DNM3: variants seen among roughly 807,000 people sequenced by gnomAD.
DNM3 encodes dynamin-3.
DNM3 carries 47 observed loss-of-function variants against 101.6 expected under a neutral mutation model. The ratio of observed to expected loss-of-function variants is 0.46; its 90% confidence interval spans 0.37 to 0.59. The LOEUF (loss-of-function observed/expected upper bound fraction) is 0.59, where lower values mean the gene tolerates loss of function less well. Ranked by LOEUF, DNM3 falls within the 20% of genes least tolerant of loss-of-function variation. DNM3 has a pLI of 0.00. For synonymous variants in DNM3, 385 were observed against 387.9 expected, an observed-to-expected ratio of 0.99 and a Z score of 0.09; for missense variants, 849 against 1,085.7, an observed-to-expected ratio of 0.78 and a Z score of 3.06.
intron 2 of DNM3, among the ~76,000 whole-genome samples, chr1:171,962,212 T>C (rs1227786129): frequency 6.6e-6 from 1 of 152,238 alleles, no homozygotes; most frequent in Non-Finnish European, 1.5e-5. Flanking sequence ...CAATCAACTC[T>C]TAGAGGCTCC....
chr1:172,100,670 C>CCCTGAATT (rs2054574074), intron 13 of DNM3, among the ~76,000 whole-genome samples: 1 of 152,136 alleles, frequency 6.6e-6, no homozygotes, highest in African/African-American at 2.4e-5. Context: ...TTTCAGAAAA[C>CCCTGAATT]TCAAATGACC....
chr1:172,188,454 A>G (rs750792486), intron 14 of DNM3, among the ~76,000 whole-genome samples: 27 of 152,016 alleles, frequency 1.8e-4, no homozygotes, highest in Non-Finnish European at 2.2e-4. Flanking sequence ...ACTCCTAACC[A>G]CTAGACCACA....
chr1:172,210,919 GA>G (rs2060492795), intron 14 of DNM3, among the ~76,000 whole-genome samples: 1 of 151,968 alleles, frequency 6.6e-6, no homozygotes, highest in African/African-American at 2.4e-5. Flanking sequence ...GATAGAGAAG[GA>G]AATAAAGGGC....
chr1:172,398,547 C>T (rs182966680), intron 20 of DNM3, among the ~76,000 whole-genome samples: 2 of 152,276 alleles, frequency 1.3e-5, no homozygotes, highest in Admixed American at 6.5e-5. Context: ...ATGATATCTG[C>T]TTGGCCCATC....
rs1329353600 is a variant in DNM3 at position 172,408,335 on chromosome 1, T to G, written c.*494T>G. 7.8e-5 allele frequency: 77 copies of G among 986,454 alleles called. No homozygotes were observed. The highest frequency in any genetic ancestry group is 8.5e-5 in the Non-Finnish European group (71 of 830,648). 61.1% of individuals were successfully genotyped at this position (986,454 alleles called of 1,614,324 possible). On this transcript the variant is annotated 3_prime_UTR_variant, in exon 21 of 21. Transcript: ENST00000627582. ...CTATTTAGCTCCTCTTTTCTTCCTT[T>G]TTATTTCATAAGACTGCTAGGAAGT...
intron 17 of DNM3, among the ~76,000 whole-genome samples, chr1:172,377,578 A>G (rs1012622573): frequency 6.9e-6 from 1 of 145,628 alleles, no homozygotes; most frequent in Non-Finnish European, 1.5e-5. Context: ...ATATATATAT[A>G]TATTTCATAA....
chr1:172,053,910 G>A (rs2050385631), intron 10 of DNM3, among the ~76,000 whole-genome samples: 2 of 151,828 alleles, frequency 1.3e-5, no homozygotes, highest in East Asian at 1.9e-4. Context: ...TACTTGCCTC[G>A]TTTTGAACAT....
intron 7 of DNM3, 90 bp from the exon 8 acceptor site, chr1:172,041,919 G>A (rs3736791): frequency 0.33 from 472,711 of 1,418,238 alleles, 82,730 homozygotes; most frequent in East Asian, 0.66. Flanking sequence ...ACCTGGAAAA[G>A]GATTCTAAGG....
At chr1:172,295,816 G>C (rs2064137524) in intron 15 of DNM3, among the ~76,000 whole-genome samples, 2 of 151,974 alleles carry the variant, frequency 1.3e-5, no homozygotes, top group Non-Finnish European at 2.9e-5. Context: ...CAATTATACT[G>C]TTGACATTTA....
chr1:172,295,646 G>A (rs889774028), intron 15 of DNM3, among the ~76,000 whole-genome samples: 7 of 152,022 alleles, frequency 4.6e-5, no homozygotes, highest in Non-Finnish European at 5.9e-5. Context: ...CAGCTTATTT[G>A]TTAACAAAAC....
intron 14 of DNM3, among the ~76,000 whole-genome samples, chr1:172,253,030 G>A (rs1280487754): frequency 6.6e-6 from 1 of 151,894 alleles, no homozygotes; most frequent in Non-Finnish European, 1.5e-5. Context: ...GTTTATGGGG[G>A]GTATTTCATA....
intron 2 of DNM3, among the ~76,000 whole-genome samples, chr1:171,951,811 C>G (rs2042544680): frequency 6.6e-6 from 1 of 152,150 alleles, no homozygotes; most frequent in African/African-American, 2.4e-5. Context: ...GAAACAGCCT[C>G]AAGAAGTCCT....
intron 14 of DNM3, among the ~76,000 whole-genome samples, chr1:172,163,926 T>A (rs2058647003): frequency 6.6e-6 from 1 of 150,438 alleles, no homozygotes; most frequent in Non-Finnish European, 1.5e-5. Flanking sequence ...TATATATGCA[T>A]GTGCATATAT....
At chr1:172,117,076 A>G (rs1009580744) in intron 13 of DNM3, among the ~76,000 whole-genome samples, 1 of 152,010 alleles carries the variant, frequency 6.6e-6, no homozygotes, top group African/African-American at 2.4e-5. Flanking sequence ...ATGGTGGTGC[A>G]TGCTTGTAAT....
intron 1 of DNM3, among the ~76,000 whole-genome samples, chr1:171,861,400 A>G (rs1380059223): frequency 2.6e-5 from 4 of 152,192 alleles, no homozygotes; most frequent in African/African-American, 7.2e-5. Flanking sequence ...TACTAAATGA[A>G]TGGAATAGAC....
rs145220300 is a variant in DNM3 at position 171,939,763 on chromosome 1, C to T, written c.235+17942C>T. On this transcript the variant is annotated intron_variant, in intron 2 of 20. Transcript: ENST00000627582. ...AAATGAATAGACTTGTTTTATATCACGCCTGGGTCTATAGTTGATAATAAT... is the reference window on the plus strand; with the variant it reads ...AAATGAATAGACTTGTTTTATATCATGCCTGGGTCTATAGTTGATAATAAT... Among the ~76,000 whole-genome samples the T allele has an allele frequency of 7.5e-4, 114 of 152,194 alleles. 1 individual carries two copies. The highest frequency in any genetic ancestry group is 2.4e-3 in the African/African-American group (99 of 41,526).
At chr1:172,081,170 C>G (rs1026654248) in intron 11 of DNM3, among the ~76,000 whole-genome samples, 1 of 152,186 alleles carries the variant, frequency 6.6e-6, no homozygotes, top group African/African-American at 2.4e-5. Flanking sequence ...GATGATGACT[C>G]ACTGCAGCTT....
At chr1:171,867,920 T>G (rs909607210) in intron 1 of DNM3, among the ~76,000 whole-genome samples, 3 of 152,220 alleles carry the variant, frequency 2.0e-5, no homozygotes, top group Non-Finnish European at 2.9e-5. Context: ...TCATTGTTAA[T>G]TAAACTAAGA....
chr1:172,380,198 T>G (rs2068822082), intron 18 of DNM3, among the ~76,000 whole-genome samples: 1 of 152,038 alleles, frequency 6.6e-6, no homozygotes, highest in Non-Finnish European at 1.5e-5. Flanking sequence ...AAAATACTAA[T>G]TGTAGTAAGT....
Sources: allele counts gnomAD v4.1 joint callset (sites outside exome capture counted in the v4.1 genomes callset), GRCh38; gene constraint gnomAD v4.1.1; transcripts MANE v1.5; gene names NCBI Gene and HGNC (gene_info 2026-07-23, HGNC 2026-07-21).